The following LIN54 variants were observed in gnomAD, a reference collection of about 807,000 sequenced individuals.
LIN54 encodes protein lin-54 homolog.
A neutral mutation model predicts 78.7 loss-of-function variants in LIN54; 9 were observed. The ratio of observed to expected loss-of-function variants is 0.11; its 90% CI spans 0.07 to 0.20. The LOEUF (loss-of-function observed/expected upper bound fraction) is 0.20. Among genes scored for constraint, LIN54 ranks in the 10% least tolerant of loss-of-function variants. The pLI is 1.00. For missense variants in LIN54, 573 were observed against 889.9 expected (o/e 0.64, Z 4.53); for synonymous variants, 269 against 318.4 (o/e 0.84, Z 1.65).
chr4:82,977,779 G>A (rs1039512443), intron 3 of LIN54, among the ~76,000 whole-genome samples: 1 of 152,216 alleles, frequency 6.6e-6, no homozygotes, highest in Non-Finnish European at 1.5e-5. Context: ...ATCCAGAGGT[G>A]CTTTCATATA....
Position 82,969,523 on chromosome 4 carries a change from T to C in LIN54, c.951+804A>G, listed in dbSNP as rs112200677. On this transcript the variant is annotated intron_variant, in intron 4 of 12. Coordinates refer to ENST00000340417, the MANE Select transcript of LIN54 (RefSeq NM_194282.4). ...TAATAAACTGTATGAGATAACATAT[T>C]TGTACATTATAGTCAAGGCTCATTA... Among the ~76,000 whole-genome samples the C allele has an allele frequency of 7.2e-3, 1,095 of 152,264 alleles. 15 individuals carry two copies. Among genetic ancestry groups the C allele is most frequent in the Middle Eastern group, 0.01 (3 of 294 alleles).
chr4:82,985,295 A>G (rs1166570523), intron 1 of LIN54, among the ~76,000 whole-genome samples: 1 of 152,250 alleles, frequency 6.6e-6, no homozygotes. Context: ...AAAGATTTAA[A>G]TATTAACATA....
intron 1 of LIN54, among the ~76,000 whole-genome samples, chr4:83,009,173 A>C (rs1385825260): frequency 1.3e-5 from 2 of 152,322 alleles, no homozygotes; most frequent in African/African-American, 4.8e-5. Context: ...CCAGACCTAC[A>C]AACTATACAC....
intron 3 of LIN54, 115 bp downstream of exon 3, chr4:82,978,768 T>C: frequency 1.7e-6 from 1 of 572,690 alleles, no homozygotes; most frequent in Non-Finnish European, 2.8e-6. Flanking sequence ...ACTAGTCTGG[T>C]TTATAATAAT....
chr4:82,929,821 CAAAAA>C (rs1238710000), intron 12 of LIN54, among the ~76,000 whole-genome samples: 1 of 152,052 alleles, frequency 6.6e-6, no homozygotes, highest in Non-Finnish European at 1.5e-5. Flanking sequence ...GAAAACAAAA[CAAAAA>C]ACCAAAACTA....
chr4:82,972,340 A>G (rs1177854511), intron 3 of LIN54, among the ~76,000 whole-genome samples: 1 of 152,148 alleles, frequency 6.6e-6, no homozygotes, highest in Non-Finnish European at 1.5e-5. Flanking sequence ...AGTATTTTCA[A>G]TACAATTTTC....
At chr4:82,981,976 G>A (rs745588811) in intron 2 of LIN54, among the ~76,000 whole-genome samples, 2 of 152,138 alleles carry the variant, frequency 1.3e-5, no homozygotes, top group Admixed American at 6.6e-5. Flanking sequence ...CAAGGCTGCA[G>A]TGGAGCACCC....
intron 8 of LIN54, 148 bp downstream of exon 8, chr4:82,938,265 T>C: frequency 1.9e-6 from 1 of 524,498 alleles, no homozygotes; most frequent in Non-Finnish European, 3.4e-6. Flanking sequence ...AATTTTTCTG[T>C]TTGAAATATT....
intron 4 of LIN54, among the ~76,000 whole-genome samples, chr4:82,963,848 C>T (rs2126064191): frequency 1.3e-5 from 2 of 152,136 alleles, no homozygotes; most frequent in East Asian, 3.9e-4. Context: ...CCAATCATAT[C>T]AACAATTACA....
At chr4:82,994,516 G>A (rs1487922333) in intron 1 of LIN54, among the ~76,000 whole-genome samples, 2 of 151,966 alleles carry the variant, frequency 1.3e-5, no homozygotes, top group Admixed American at 6.6e-5. Context: ...CCCTGCCTCA[G>A]CCTCCCAAGT....
chr4:83,003,030 G>A (rs1292449796), intron 1 of LIN54, among the ~76,000 whole-genome samples: 2 of 151,958 alleles, frequency 1.3e-5, no homozygotes, highest in Admixed American at 1.3e-4. Context: ...TTTTGTGAGT[G>A]TGAGATGGAG....
Position 82,993,009 on chromosome 4 carries a change from C to T in LIN54, c.-32-8133G>A, listed in dbSNP as rs570213664. ...CGCCACTGCACTCCAGCCTGGGTGA[C>T]AAAGCGAGACTCTGTCTCAGAAAAA... is the stretch of plus-strand genomic sequence containing the variant. On this transcript the variant is annotated intron_variant, in intron 1 of 12. Transcript: ENST00000340417. Among the ~76,000 whole-genome samples the T allele has an allele frequency of 1.1e-3, 141 of 131,650 alleles. 1 individual carries two copies. The highest frequency in any genetic ancestry group is 4.3e-3 in the Middle Eastern group (1 of 232). 86.4% of individuals were successfully genotyped at this position (131,650 alleles called of 152,430 possible).
At chr4:82,957,297 G>T (rs1451692543) in intron 4 of LIN54, among the ~76,000 whole-genome samples, 1 of 152,042 alleles carries the variant, frequency 6.6e-6, no homozygotes, top group Non-Finnish European at 1.5e-5. Context: ...GTCTCTACCT[G>T]CCCACCACAC....
Position 82,927,511 on chromosome 4 carries a change from T to A in LIN54, c.*591A>T, listed in dbSNP as rs889881780. 9 of 152,368 alleles carry A rather than the reference T, an allele frequency of 5.9e-5. No homozygotes were observed. Among genetic ancestry groups the A allele is most frequent in the African/African-American group, 2.2e-4 (9 of 41,568 alleles). 9.4% of individuals were successfully genotyped at this position (152,368 alleles called of 1,614,324 possible). A position where few individuals can be genotyped will look rare whatever the true frequency, so the allele number is the denominator to read the frequency against. The stretch of plus-strand genomic sequence containing the variant: ...TTTTATATGTTTTTTTAAATAACTT[T>A]AAAAAATTTTTAGTGTGCCTGGGGA... On this transcript the variant is annotated 3_prime_UTR_variant, in exon 13 of 13. Coordinates refer to ENST00000340417, the MANE Select transcript of LIN54 (RefSeq NM_194282.4).
chr4:82,933,116 G>C (rs1220780573), intron 11 of LIN54, among the ~76,000 whole-genome samples: 1 of 151,592 alleles, frequency 6.6e-6, no homozygotes, highest in East Asian at 1.9e-4. Flanking sequence ...GTGTTAACTG[G>C]GTTACTGTGA....
At chr4:82,939,457 T>C (rs1722655527) in intron 7 of LIN54, 82 bp downstream of exon 7, 1 of 1,170,270 alleles carries the variant, frequency 8.5e-7, no homozygotes, top group Admixed American at 1.7e-5. Flanking sequence ...TAGATGTGTT[T>C]GAGTAGCTTC....
At chr4:82,946,168 C>A in intron 5 of LIN54, 90 bp downstream of exon 5, 1 of 1,135,008 alleles carries the variant, frequency 8.8e-7, no homozygotes, top group Non-Finnish European at 1.3e-6. Context: ...TGAAATGCCA[C>A]TCTTCATCAG....
intron 1 of LIN54, among the ~76,000 whole-genome samples, chr4:82,991,791 T>C (rs934291906): frequency 3.9e-5 from 6 of 152,198 alleles, no homozygotes; most frequent in African/African-American, 1.4e-4. Context: ...TATATTAATT[T>C]TTGATTAAAT....
At chr4:82,929,665 G>T (rs1230399482) in intron 12 of LIN54, among the ~76,000 whole-genome samples, 1 of 151,824 alleles carries the variant, frequency 6.6e-6, no homozygotes, top group Non-Finnish European at 1.5e-5. Flanking sequence ...ATTTAGCTGG[G>T]CGTCGTGGTG....
Sources: allele counts gnomAD v4.1 joint callset (sites outside exome capture counted in the v4.1 genomes callset), GRCh38; gene constraint gnomAD v4.1.1; transcripts MANE v1.5; gene names NCBI Gene and HGNC (gene_info 2026-07-23, HGNC 2026-07-21).